The following DNAH10 variants were observed in gnomAD, a reference collection of about 807,000 sequenced individuals.
DNAH10 encodes axonemal beta dynein heavy chain 10.
DNAH10 carries 348 observed loss-of-function variants against 506.6 expected under a neutral mutation model. The ratio of observed to expected loss-of-function variants is 0.69; its 90% CI spans 0.63 to 0.75. The LOEUF (loss-of-function observed/expected upper bound fraction) is 0.75. DNAH10 is among the 30% of genes least tolerant of loss of function. DNAH10 has a pLI of 0.00. For missense variants in DNAH10, 5,179 were observed against 5,787.1 expected (o/e 0.89, Z 3.41); for synonymous variants, 2,059 against 2,198.6 (o/e 0.94, Z 1.78).
At position 123,804,886 on chromosome 12, in the gene DNAH10, C is replaced by T. The variant is rs1958605242; in HGVS notation, c.2833C>T (p.His945Tyr). The change falls in exon 18 of 79, where the codon CAC (histidine) becomes TAC (tyrosine). Residue 945 changes from histidine (H) to tyrosine (Y), a missense_variant. His to Tyr is a moderately conservative substitution (Grantham distance 83). Coordinates refer to ENST00000673944, the MANE Select transcript of DNAH10 (RefSeq NM_001372106.1). Reference sequence around the variant, plus strand: ...GCGAGAAAGGGCCAGCGACGTGGACCACATGGTCCGGTGGTATCTTGCCAT... The same window carrying T: ...GCGAGAAAGGGCCAGCGACGTGGACTACATGGTCCGGTGGTATCTTGCCAT... ...IERERASDVD[H>Y]MVRWYLAIGP... is the part of the protein sequence containing the mutation. 6.2e-7 allele frequency: 1 copy of T among 1,613,562 alleles called. No homozygotes were observed.
intron 1 of DNAH10, among the ~76,000 whole-genome samples, chr12:123,764,220 A>G (rs1210581537): frequency 6.6e-6 from 1 of 152,210 alleles, no homozygotes; most frequent in Non-Finnish European, 1.5e-5. Flanking sequence ...AAACGCCTTC[A>G]TCATAAATCC....
Position 123,916,389 on chromosome 12 carries a change from C to G in DNAH10, c.10723-68C>G. ...ATCCACTTCCCACTTCCAAGCCATT[C>G]TCCCCTTATATTTGGCAGGGCCACA... is the stretch of plus-strand genomic sequence containing the variant. On this transcript the variant is annotated intron_variant, in intron 62 of 78. Transcript: ENST00000673944. The surrounding 1 kb of genome is among the most constrained non-coding windows in gnomAD (Gnocchi z 4.6). The G allele has an allele frequency of 6.5e-7, 1 of 1,541,716 alleles. No homozygotes were observed. The highest frequency in any genetic ancestry group is 8.7e-7 in the Non-Finnish European group (1 of 1,147,760).
chr12:123,926,852 G>T lies in DNAH10; in HGVS notation c.12105+32G>T. ...TGTGGCTGAAAGGAACAAGCTCTAC[G>T]TTTAGGGGAGGTCCCTGGTGTCTGC... On this transcript the variant is annotated intron_variant, in intron 69 of 78. Transcript: ENST00000673944. This position sits in a 1 kb window ranked among gnomAD's most constrained non-coding sequence, Gnocchi z 4.1. 1 of 1,608,806 alleles carries T rather than the reference G, an allele frequency of 6.2e-7. No individual in the cohort carries two copies. Among genetic ancestry groups the T allele is most frequent in the Non-Finnish European group, 8.5e-7 (1 of 1,178,676 alleles).
chr12:123,893,539 A>C, intron 53 of DNAH10, 103 bp downstream of exon 53: 2 of 1,319,880 alleles, frequency 1.5e-6, no homozygotes, highest in Non-Finnish European at 2.1e-6. Flanking sequence ...AAGCAAAACA[A>C]GACACGGCCA....
chr12:123,859,822 C>T (rs1309288537), intron 38 of DNAH10, among the ~76,000 whole-genome samples: 2 of 151,928 alleles, frequency 1.3e-5, no homozygotes, highest in Non-Finnish European at 2.9e-5. Context: ...TCCCATAGTC[C>T]AGGATTTTGA....
At chr12:123,812,316 G>T (rs1958971150) in intron 19 of DNAH10, among the ~76,000 whole-genome samples, 2 of 152,026 alleles carry the variant, frequency 1.3e-5, no homozygotes, top group East Asian at 3.9e-4. Context: ...CTGGATGTGG[G>T]GGTGGGTGCC....
chr12:123,845,929 G>C, intron 31 of DNAH10, 42 bp from the exon 32 acceptor site: 1 of 1,613,146 alleles, frequency 6.2e-7, no homozygotes, highest in South Asian at 1.1e-5. Flanking sequence ...CCGCTGATCT[G>C]TCTCAACGGT....
chr12:123,929,909 T>G, intron 72 of DNAH10, 150 bp downstream of exon 72: 3 of 691,966 alleles, frequency 4.3e-6, no homozygotes, highest in Non-Finnish European at 7.2e-6. Context: ...TGCTCTCACC[T>G]GGTTGTTCTT....
rs1408681241 is a variant in DNAH10, at chr12:123,808,917, CT to C, written c.3110del (p.Phe1037SerfsTer18). ...ACACAAATGAGATCGACAAGATGTG[CT>C]TCCATTGTGTCCGGAATTGCGTGGA... ...PNTNEIDKMC[F>X]HCVRNCVEIT... On this transcript the variant is annotated frameshift_variant, in exon 19 of 79. Coordinates refer to ENST00000673944, the MANE Select transcript of DNAH10 (RefSeq NM_001372106.1). LOFTEE classifies it high-confidence loss of function. 1.3e-5 allele frequency: 21 copies of C among 1,614,202 alleles called. No homozygotes were observed. The highest frequency in any genetic ancestry group is 1.7e-5 in the Non-Finnish European group (20 of 1,180,042).
intron 5 of DNAH10, among the ~76,000 whole-genome samples, chr12:123,779,240 T>C (rs1383168465): frequency 6.6e-6 from 1 of 152,024 alleles, no homozygotes. Flanking sequence ...GGGGTCTCCC[T>C]ATGTTGCCCC....
At chr12:123,870,273 C>T (rs1351006754) in intron 43 of DNAH10, 93 bp from the exon 44 acceptor site, 3 of 1,510,562 alleles carry the variant, frequency 2.0e-6, no homozygotes, top group Non-Finnish European at 2.7e-6. Context: ...CCGTGCAGTA[C>T]AAGCAACATT....
chr12:123,935,046 C>A, intron 78 of DNAH10: 1 of 600,296 alleles, frequency 1.7e-6, no homozygotes, highest in Non-Finnish European at 2.9e-6. Context: ...TCCCTTCTTG[C>A]AAAATGCTGC....
rs748511345 is a variant in DNAH10 at position 123,932,077 on chromosome 12, T to C, written c.13265T>C (p.Phe4422Ser). 3.7e-6 allele frequency: 6 copies of C among 1,613,952 alleles called. No individual in the cohort carries two copies. Among genetic ancestry groups the C allele is most frequent in the Non-Finnish European group, 5.1e-6 (6 of 1,179,884 alleles). ...TCCCTTGGAAACTGGATGGTCTACT[T>C]CCTGCGGCGGTTCAGCCAGTACATG... is the stretch of plus-strand genomic sequence containing the variant. ...LKSLGNWMVY[F>S]LRRFSQYMLW... The change falls in exon 76 of 79, where the codon TTC becomes TCC. Residue 4422 changes from phenylalanine to serine, a missense_variant. Coordinates refer to ENST00000673944, the MANE Select transcript of DNAH10 (RefSeq NM_001372106.1).
At chr12:123,885,581 A>G (rs571008148) in intron 51 of DNAH10, among the ~76,000 whole-genome samples, 1 of 152,244 alleles carries the variant, frequency 6.6e-6, no homozygotes, top group South Asian at 2.1e-4. Context: ...CGCACTGGGA[A>G]GGTTGGATCT....
At chr12:123,889,175 G>A (rs549368782) in intron 52 of DNAH10, among the ~76,000 whole-genome samples, 10 of 152,212 alleles carry the variant, frequency 6.6e-5, no homozygotes, top group Middle Eastern at 3.4e-3. Context: ...CGCCCTTCTC[G>A]TTTTTAGATG....
Position 123,929,418 on chromosome 12 carries a change from GGA to G in DNAH10, c.12455_12456del (p.Arg4152LysfsTer13). 6.2e-7 allele frequency: 1 copy of G among 1,613,736 alleles called. No homozygotes were observed. The highest frequency in any genetic ancestry group is 8.5e-7 in the Non-Finnish European group (1 of 1,179,808). On this transcript the variant is annotated frameshift_variant, in exon 71 of 79. Coordinates refer to ENST00000673944, the MANE Select transcript of DNAH10 (RefSeq NM_001372106.1). LOFTEE classifies it high-confidence loss of function. ...VLAFFHAVVQ[E>X]RRKFGKIGWN... is the part of the protein sequence containing the mutation. Reference sequence around the variant, plus strand: ...TGGCGTTCTTTCATGCTGTGGTGCAGGAGAGAAGGAAGTTTGGGAAGATTGGC... The same window carrying G: ...TGGCGTTCTTTCATGCTGTGGTGCAGGAGAAGGAAGTTTGGGAAGATTGGC...
At chr12:123,918,159 A>G (rs1023413912) in intron 64 of DNAH10, among the ~76,000 whole-genome samples, 3 of 152,192 alleles carry the variant, frequency 2.0e-5, no homozygotes, top group Non-Finnish European at 4.4e-5. Flanking sequence ...GTTTCTGTCC[A>G]TTTCTGGGCT....
chr12:123,787,715 T>C lies in DNAH10; in HGVS notation c.1422-89T>C. ...CCAGGGGGGGCGCCCGGGTCAGAGC[T>C]TCACGGGACACTGGCTCCCCAGCCG... On this transcript the variant is annotated intron_variant, in intron 9 of 78. Transcript: ENST00000673944. The surrounding 1 kb of genome is among the most constrained non-coding windows in gnomAD (Gnocchi z 4.6). 1 of 1,503,532 alleles carries C rather than the reference T, an allele frequency of 6.7e-7. No homozygotes were observed. Among genetic ancestry groups the C allele is most frequent in the Admixed American group, 2.0e-5 (1 of 49,008 alleles). 93.1% of individuals were successfully genotyped at this position (1,503,532 alleles called of 1,614,324 possible).
At chr12:123,804,777 G>C (rs1958599916) in intron 17 of DNAH10, 56 bp from the exon 18 acceptor site, 8 of 1,544,186 alleles carry the variant, frequency 5.2e-6, no homozygotes, top group Non-Finnish European at 7.1e-6. Context: ...ATTGCCTTTT[G>C]AGTGCTGTCC....
Sources: gnomAD v4.1 joint callset for allele counts (sites outside exome capture counted in the v4.1 genomes callset) on GRCh38, gnomAD v4.1.1 for gene constraint, Gnocchi (gnomAD v3.1) non-coding constraint, MANE v1.5 for transcripts, NCBI Gene and HGNC (gene_info 2026-07-23, HGNC 2026-07-21) for gene names.